STARD9: variants seen among roughly 807,000 people sequenced by gnomAD.
STARD9 encodes the protein StAR related lipid transfer domain containing 9.
STARD9 carries 346 observed loss-of-function variants against 399.8 expected under a neutral mutation model. The ratio of observed to expected loss-of-function variants is 0.87; its 90% CI spans 0.79 to 0.95. The LOEUF (loss-of-function observed/expected upper bound fraction) is 0.95, where lower values mean the gene tolerates loss of function less well. Ranked by LOEUF, STARD9 falls within the 40% of genes least tolerant of loss-of-function variation. The pLI is 0.00. For synonymous variants in STARD9, 2,203 were observed against 2,143.5 expected (o/e 1.03, Z -0.77); for missense variants, 5,832 against 5,667.5 (o/e 1.03, Z -0.93).
chr15:42,603,041 T>C (rs1391846415), intron 3 of STARD9, among the ~76,000 whole-genome samples: 1 of 152,212 alleles, frequency 6.6e-6, no homozygotes, highest in African/African-American at 2.4e-5. Context: ...TTTTTGGGAC[T>C]GGAGTTTGGC....
At chr15:42,605,682 T>TA (rs566631812) in intron 3 of STARD9, among the ~76,000 whole-genome samples, 12 of 152,232 alleles carry the variant, frequency 7.9e-5, no homozygotes, top group Non-Finnish European at 1.3e-4. Flanking sequence ...TTAGAAAAGA[T>TA]ACAGCTGCGT....
intron 15 of STARD9, 149 bp downstream of exon 15, chr15:42,665,997 G>C (rs1160849975): frequency 2.9e-6 from 2 of 698,586 alleles, no homozygotes; most frequent in Non-Finnish European, 4.9e-6. Context: ...CCTTGACCGG[G>C]GGATGTGTTT....
At chr15:42,629,083 G>C (rs2059280791) in intron 3 of STARD9, among the ~76,000 whole-genome samples, 2 of 152,134 alleles carry the variant, frequency 1.3e-5, no homozygotes, top group Admixed American at 1.3e-4. Context: ...GCAGGGACGT[G>C]ATCATTGCTC....
intron 15 of STARD9, among the ~76,000 whole-genome samples, 165 bp downstream of exon 15, chr15:42,666,013 G>A (rs943103541): frequency 3.3e-5 from 5 of 152,216 alleles, no homozygotes; most frequent in Non-Finnish European, 5.9e-5. Context: ...TGTTTGCCTA[G>A]GGGGACTGTT....
chr15:42,688,951 C>T lies in STARD9; in HGVS notation c.7373C>T (p.Thr2458Ile), dbSNP rs1226740065. Residue 2458 changes from threonine (T) to isoleucine (I), a missense_variant, in exon 23 of 33, where the codon ACC becomes ATC. Physicochemically the swap from Thr to Ile is moderately conservative, Grantham distance 89. Coordinates refer to ENST00000290607, the MANE Select transcript of STARD9 (RefSeq NM_020759.3). ...AGAATCACCTTGCTGGGTTTCAGTA[C>T]CAGTGAAGATTTTGCTTCTGAAGCC... ...DLRITLLGFS[T>I]SEDFASEAEV... 6.5e-7 allele frequency: 1 copy of T among 1,537,348 alleles called. No individual in the cohort carries two copies. The highest frequency in any genetic ancestry group is 1.4e-5 in the African/African-American group (1 of 73,138).
At chr15:42,715,520 A>ATTT (rs61683241) in intron 26 of STARD9, among the ~76,000 whole-genome samples, 5 of 143,782 alleles carry the variant, frequency 3.5e-5, no homozygotes, top group African/African-American at 1.0e-4. Context: ...GTCTTTACAA[A>ATTT]TTTTTTTTTT....
At chr15:42,718,242 C>CT (rs1469005531) in intron 30 of STARD9, 63 bp downstream of exon 30, 13 of 1,461,816 alleles carry the variant, frequency 8.9e-6, no homozygotes, top group Non-Finnish European at 1.0e-5. Flanking sequence ...TGGGGTCTTG[C>CT]TGGGGGATAG....
intron 3 of STARD9, among the ~76,000 whole-genome samples, chr15:42,613,937 C>T (rs1390773194): frequency 6.6e-6 from 1 of 151,786 alleles, no homozygotes; most frequent in East Asian, 1.9e-4. Flanking sequence ...TGCACTCCAA[C>T]CTGGGTGACA....
At chr15:42,668,046 C>T (rs533980775) in intron 15 of STARD9, among the ~76,000 whole-genome samples, 3 of 152,296 alleles carry the variant, frequency 2.0e-5, no homozygotes, top group African/African-American at 7.2e-5. Flanking sequence ...AGCATTCTTG[C>T]ATTATGCAGG....
Position 42,690,851 on chromosome 15 carries a change from G to A in STARD9, c.9273G>A (p.Glu3091=). ...GGGTTCCTGAGAAAAAGGTTGCTGA[G>A]AAGCAAGCAAGCACAGAACTTGAGG... is the stretch of plus-strand genomic sequence containing the variant. ...LIGVPEKKVA[E]KQASTELEAA... is the part of the protein sequence containing the mutation. Residue 3091 remains glutamate (E), a synonymous_variant, in exon 23 of 33, where the codon GAG becomes GAA. Transcript: ENST00000290607. 1 of 1,537,182 alleles carries A rather than the reference G, an allele frequency of 6.5e-7. No individual in the cohort carries two copies. Among genetic ancestry groups the A allele is most frequent in the Non-Finnish European group, 8.7e-7 (1 of 1,146,902 alleles).
chr15:42,674,795 T>G, intron 17 of STARD9, 32 bp from the exon 18 acceptor site: 2 of 1,498,150 alleles, frequency 1.3e-6, no homozygotes, highest in South Asian at 2.6e-5. Flanking sequence ...TGCATCGTCC[T>G]CCCACCCAAG....
intron 7 of STARD9, 46 bp from the exon 8 acceptor site, chr15:42,650,970 C>A: frequency 1.5e-6 from 2 of 1,342,384 alleles, no homozygotes; most frequent in South Asian, 1.4e-5. Context: ...TAAAGTTTAC[C>A]AAAAATCTCA....
chr15:42,620,037 T>A (rs990372089), intron 3 of STARD9, among the ~76,000 whole-genome samples: 1 of 152,176 alleles, frequency 6.6e-6, no homozygotes, highest in African/African-American at 2.4e-5. Flanking sequence ...CTCTTCATGA[T>A]TCTCCTTCCA....
rs1007134963 is a variant in STARD9, at chr15:42,692,510, C to G, written c.10932C>G (p.Thr3644=). 5.9e-6 allele frequency: 9 copies of G among 1,537,168 alleles called. No homozygotes were observed. Among genetic ancestry groups the G allele is most frequent in the Non-Finnish European group, 7.0e-6 (8 of 1,146,906 alleles). ...RTNTFEQGTQ[T]LGSRRHWSST... ...ACACATTCGAACAGGGCACACAGACCCTCGGCAGCAGGCGCCACTGGAGCA... is the reference window on the plus strand; with the variant it reads ...ACACATTCGAACAGGGCACACAGACGCTCGGCAGCAGGCGCCACTGGAGCA... Residue 3644 remains threonine (T), a synonymous_variant, in exon 23 of 33, where the codon ACC becomes ACG. Transcript: ENST00000290607.
chr15:42,664,671 G>T (rs1208885396), intron 13 of STARD9, among the ~76,000 whole-genome samples: 1 of 152,064 alleles, frequency 6.6e-6, no homozygotes, highest in Non-Finnish European at 1.5e-5. Context: ...CCAGTCTTAT[G>T]CCTGTGTTTT....
At chr15:42,644,287 A>T (rs1335380323) in intron 7 of STARD9, among the ~76,000 whole-genome samples, 2 of 152,132 alleles carry the variant, frequency 1.3e-5, no homozygotes, top group Non-Finnish European at 2.9e-5. Flanking sequence ...AGGTCAGGAG[A>T]TAGAGACCAT....
chr15:42,680,190 G>A (rs1379039899), intron 20 of STARD9, among the ~76,000 whole-genome samples: 5 of 152,152 alleles, frequency 3.3e-5, no homozygotes, highest in East Asian at 1.9e-4. Context: ...AGGTCCTTAC[G>A]TGACCCCCAG....
chr15:42,606,339 T>C (rs189662077), intron 3 of STARD9, among the ~76,000 whole-genome samples: 28 of 152,358 alleles, frequency 1.8e-4, no homozygotes, highest in African/African-American at 6.3e-4. Flanking sequence ...TTGGAAAATA[T>C]TGGACTGTTA....
At chr15:42,591,043 A>G (rs1316626469) in intron 3 of STARD9, among the ~76,000 whole-genome samples, 1 of 152,218 alleles carries the variant, frequency 6.6e-6, no homozygotes, top group African/African-American at 2.4e-5. Flanking sequence ...TTAGTCATCT[A>G]GGCCAGAGTT....
Sources: gnomAD v4.1 joint callset for allele counts (sites outside exome capture counted in the v4.1 genomes callset) on GRCh38, gnomAD v4.1.1 for gene constraint, MANE v1.5 for transcripts, NCBI Gene and HGNC (gene_info 2026-07-23, HGNC 2026-07-21) for gene names.